Variants in DPP6 observed in about 807,000 individuals in gnomAD.
DPP6 encodes the protein A-type potassium channel modulatory protein DPP6.
A neutral mutation model predicts 122.6 loss-of-function variants in DPP6; 69 were observed. The ratio of observed to expected loss-of-function variants is 0.56; its 90% CI spans 0.46 to 0.69. The LOEUF (loss-of-function observed/expected upper bound fraction) is 0.69. DPP6 is among the 30% of genes least tolerant of loss of function. DPP6 has a pLI of 0.00. For synonymous variants in DPP6, 418 were observed against 433.1 expected (o/e 0.97, Z 0.43); for missense variants, 928 against 1,116.9 (o/e 0.83, Z 2.41).
intron 1 of DPP6, chr7:154,305,604 G>A (rs997948525): frequency 4.6e-6 from 7 of 1,537,646 alleles, no homozygotes; most frequent in African/African-American, 4.1e-5. Flanking sequence ...GTGTGCATGC[G>A]TGCATATGTG....
intron 8 of DPP6, among the ~76,000 whole-genome samples, chr7:154,769,146 A>C (rs141057147): frequency 6.6e-6 from 1 of 152,216 alleles, no homozygotes; most frequent in Non-Finnish European, 1.5e-5. Flanking sequence ...AAGAAAAAAA[A>C]AGTGTTTCCA....
At chr7:154,609,583 A>G (rs753752902) in intron 5 of DPP6, among the ~76,000 whole-genome samples, 9 of 152,186 alleles carry the variant, frequency 5.9e-5, no homozygotes, top group Non-Finnish European at 1.2e-4. Context: ...TCACACACAC[A>G]TGCACATGCA....
chr7:154,743,205 C>G (rs933600959), intron 8 of DPP6, among the ~76,000 whole-genome samples: 35 of 152,118 alleles, frequency 2.3e-4, no homozygotes, highest in African/African-American at 8.5e-4. Flanking sequence ...TTTCCACCTG[C>G]TGGGCCTTTA....
At chr7:153,922,329 C>G (rs988854701) in intron 1 of DPP6, among the ~76,000 whole-genome samples, 1 of 152,026 alleles carries the variant, frequency 6.6e-6, no homozygotes, top group Non-Finnish European at 1.5e-5. Flanking sequence ...AGTGAGACCC[C>G]GTCTCTATAA....
rs1461204627 is a variant in DPP6, at chr7:154,425,628, GT to G, written c.244-20585del. On this transcript the variant is annotated intron_variant, in intron 1 of 25. Coordinates refer to ENST00000377770, the MANE Select transcript of DPP6 (RefSeq NM_130797.4). ...AATGTGTGTGTGTGTGTGGGTGTGTGTGTGTGTGTGTGTGTGTGTGTGTGTG... is the reference window on the plus strand; with the variant it reads ...AATGTGTGTGTGTGTGTGGGTGTGTGGTGTGTGTGTGTGTGTGTGTGTGTG... 5.7e-3 allele frequency among the ~76,000 whole-genome samples: 723 copies of G among 127,584 alleles called. 4 individuals carry two copies. Among genetic ancestry groups the G allele is most frequent in the African/African-American group, 8.7e-3 (255 of 29,250 alleles). 83.7% of individuals were successfully genotyped at this position (127,584 alleles called of 152,430 possible).
At chr7:154,864,600 A>G (rs1280519026) in intron 17 of DPP6, among the ~76,000 whole-genome samples, 1 of 152,216 alleles carries the variant, frequency 6.6e-6, no homozygotes, top group African/African-American at 2.4e-5. Context: ...CCCTCTTTGA[A>G]TGCAATTATG....
chr7:154,225,585 CT>C (rs1314919076), intron 1 of DPP6, among the ~76,000 whole-genome samples: 2 of 151,650 alleles, frequency 1.3e-5, no homozygotes, highest in African/African-American at 4.9e-5. Context: ...AAAAAAAAAT[CT>C]CATTGGTTTG....
chr7:154,544,930 T>TG (rs919926203), intron 4 of DPP6, among the ~76,000 whole-genome samples: 40 of 152,268 alleles, frequency 2.6e-4, no homozygotes, highest in African/African-American at 9.4e-4. Context: ...GGCGGCTGCG[T>TG]GGGTCCAGGC....
At chr7:153,938,800 T>C (rs1007531521) in intron 1 of DPP6, among the ~76,000 whole-genome samples, 2 of 152,222 alleles carry the variant, frequency 1.3e-5, no homozygotes, top group African/African-American at 2.4e-5. Flanking sequence ...TTTCTAAAGC[T>C]AGGAGCCTTG....
intron 1 of DPP6, among the ~76,000 whole-genome samples, chr7:154,133,323 C>T (rs1345336939): frequency 2.6e-5 from 4 of 152,128 alleles, no homozygotes; most frequent in African/African-American, 9.7e-5. Context: ...AGCCTGTGTG[C>T]CTTCCTGGGG....
chr7:154,344,456 C>T (rs1230404542), intron 1 of DPP6, among the ~76,000 whole-genome samples: 1 of 152,098 alleles, frequency 6.6e-6, no homozygotes, highest in African/African-American at 2.4e-5. Context: ...AACCCTCATA[C>T]GCTGTTGGTG....
At chr7:154,267,977 G>A (rs11769830) in intron 1 of DPP6, among the ~76,000 whole-genome samples, 60,342 of 145,570 alleles carry the variant, frequency 0.41, 13,231 homozygotes, top group South Asian at 0.54. Flanking sequence ...ACGTATATGC[G>A]CACATACATA....
chr7:154,735,893 C>T (rs1842548155), intron 8 of DPP6, among the ~76,000 whole-genome samples: 1 of 152,230 alleles, frequency 6.6e-6, no homozygotes, highest in Non-Finnish European at 1.5e-5. Flanking sequence ...TGCCAAGGCC[C>T]TCTTAGCCCC....
chr7:154,884,449 T>TCTCACATGCTCA (rs1554496144), intron 21 of DPP6: 3 of 145,898 alleles, frequency 2.1e-5, no homozygotes, highest in African/African-American at 7.7e-5. Flanking sequence ...ATACACATGC[T>TCTCACATGCTCA]CACATACACA....
chr7:154,419,316 T>C (rs911837066), intron 1 of DPP6, among the ~76,000 whole-genome samples: 1 of 152,242 alleles, frequency 6.6e-6, no homozygotes, highest in African/African-American at 2.4e-5. Context: ...GCTTATCATT[T>C]TAGACATGAT....
intron 1 of DPP6, among the ~76,000 whole-genome samples, chr7:154,061,660 C>G (rs1394576998): frequency 9.1e-6 from 1 of 109,454 alleles, no homozygotes; most frequent in Non-Finnish European, 2.0e-5. Flanking sequence ...TCAGAGCCAA[C>G]CCCTCTTCCC....
intron 1 of DPP6, among the ~76,000 whole-genome samples, chr7:154,278,837 T>A (rs897587807): frequency 2.0e-5 from 3 of 150,376 alleles, no homozygotes; most frequent in Non-Finnish European, 3.0e-5. Context: ...TGTGTGGGAG[T>A]GGGGATGCAC....
chr7:153,846,480 ATT>A, the DPP6 span, among the ~76,000 whole-genome samples: 7 of 151,156 alleles, frequency 4.6e-5, no homozygotes, highest in South Asian at 1.5e-3. Context: ...CAACTTATTA[ATT>A]TTTTTTTGTA....
intron 6 of DPP6, among the ~76,000 whole-genome samples, chr7:154,666,194 T>TACACACAC (rs55773435): frequency 0.62 from 72,487 of 117,758 alleles, 19,808 homozygotes; most frequent in South Asian, 0.71. Context: ...TATATATATA[T>TACACACAC]ATATATACAC....
Sources: gnomAD v4.1 joint callset for allele counts (sites outside exome capture counted in the v4.1 genomes callset) on GRCh38, gnomAD v4.1.1 for gene constraint, MANE v1.5 for transcripts, NCBI Gene and HGNC (gene_info 2026-07-23, HGNC 2026-07-21) for gene names.